Variants in LTBP1 observed in about 807,000 individuals in gnomAD.
The protein encoded by LTBP1 is latent transforming growth factor beta binding protein 1.
In LTBP1, 129 loss-of-function variants were observed where a neutral mutation model predicts 207.6. That is an observed-to-expected ratio of 0.62 (90% CI 0.54 to 0.72). The LOEUF is 0.72. Among genes scored for constraint, LTBP1 ranks in the 30% least tolerant of loss-of-function variants. The probability of loss-of-function intolerance (pLI) is 0.00; values close to 1 mark genes in which losing one functional copy is unlikely to be tolerated. For missense variants in LTBP1, 2,281 were observed against 2,217.2 expected (o/e 1.03, Z -0.58); for synonymous variants, 963 against 833.7 (o/e 1.16, Z -2.67).
chr2:33,169,980 G>C (rs930630136), intron 5 of LTBP1, among the ~76,000 whole-genome samples: 4 of 152,212 alleles, frequency 2.6e-5, no homozygotes, highest in African/African-American at 9.6e-5. Flanking sequence ...CTTGAAACTA[G>C]TAAATTGGTA....
chr2:33,270,222 T>A (rs2093286787), intron 15 of LTBP1, among the ~76,000 whole-genome samples: 1 of 151,716 alleles, frequency 6.6e-6, no homozygotes, highest in South Asian at 2.1e-4. Context: ...ACACAGCCTC[T>A]GATGTTCAAC....
At chr2:33,306,502 A>G (rs1389812793) in intron 22 of LTBP1, among the ~76,000 whole-genome samples, 1 of 151,656 alleles carries the variant, frequency 6.6e-6, no homozygotes. Context: ...CCTGGGTGGC[A>G]ATAGTTGCAG....
intron 24 of LTBP1, among the ~76,000 whole-genome samples, chr2:33,326,518 C>A (rs1357433698): frequency 6.6e-6 from 1 of 151,832 alleles, no homozygotes; most frequent in East Asian, 1.9e-4. Context: ...ACAATCTAAA[C>A]TGACTTCAGT....
chr2:32,994,469 CT>C lies in LTBP1; in HGVS notation c.566-26426del, dbSNP rs1045137913. ...GCACGCTTATCTAATATTAGTGAGT[CT>C]TTTTTTTTTTTTTGAGATAGAGTTT... On this transcript the variant is annotated intron_variant, in intron 2 of 33. Transcript: ENST00000404816. Among the ~76,000 whole-genome samples, 583 of 142,880 alleles carry C rather than the reference CT, an allele frequency of 4.1e-3. 1 individual carries two copies. The highest frequency in any genetic ancestry group is 3.4e-3 in the Admixed American group (48 of 14,160). 93.7% of individuals were successfully genotyped at this position (142,880 alleles called of 152,430 possible). A position where few individuals can be genotyped will look rare whatever the true frequency, so the allele number is the denominator to read the frequency against.
intron 17 of LTBP1, among the ~76,000 whole-genome samples, 196 bp downstream of exon 17, chr2:33,275,286 T>G (rs769555344): frequency 1.1e-4 from 16 of 152,086 alleles, no homozygotes; most frequent in Non-Finnish European, 1.3e-4. Context: ...AAGAGTGTCA[T>G]ATATGTGCAT....
intron 10 of LTBP1, among the ~76,000 whole-genome samples, chr2:33,250,377 T>A (rs1380512526): frequency 6.6e-6 from 1 of 152,114 alleles, no homozygotes; most frequent in East Asian, 1.9e-4. Context: ...GCTCACCCCC[T>A]CCACAAAGAA....
At chr2:33,072,041 C>CT (rs397714114) in intron 3 of LTBP1, among the ~76,000 whole-genome samples, 6 of 152,020 alleles carry the variant, frequency 3.9e-5, no homozygotes, top group Non-Finnish European at 5.9e-5. Context: ...AGACTGCCCC[C>CT]GTTTCAGATA....
At chr2:33,354,085 G>A (rs577157968) in intron 26 of LTBP1, among the ~76,000 whole-genome samples, 5 of 151,276 alleles carry the variant, frequency 3.3e-5, no homozygotes, top group South Asian at 4.2e-4. Context: ...GGATGGTCTC[G>A]ATCTCCTGAC....
At chr2:33,254,680 T>C (rs1276402950) in intron 11 of LTBP1, among the ~76,000 whole-genome samples, 5 of 145,020 alleles carry the variant, frequency 3.4e-5, no homozygotes. Context: ...ATGTGCCATA[T>C]TGGTGTGCTG....
chr2:33,213,267 T>C (rs2090445123), intron 7 of LTBP1, among the ~76,000 whole-genome samples: 1 of 152,198 alleles, frequency 6.6e-6, no homozygotes, highest in Non-Finnish European at 1.5e-5. Flanking sequence ...GTTGTAAATT[T>C]AGCACATTTC....
intron 24 of LTBP1, among the ~76,000 whole-genome samples, chr2:33,338,112 T>C (rs1457163289): frequency 6.6e-6 from 1 of 152,242 alleles, no homozygotes; most frequent in African/African-American, 2.4e-5. Context: ...ATGAAACTGC[T>C]GAGAATTACA....
Position 33,021,186 on chromosome 2 carries a change from C to G in LTBP1, c.843C>G (p.Leu281=), listed in dbSNP as rs554562639. The G allele has an allele frequency of 7.5e-6, 12 of 1,599,176 alleles. No homozygotes were observed. The South Asian group carries it at 1.0e-4, about 13-fold the overall frequency. ...LTLKPKPSVG[L]PQQIHSQVTP... The stretch of plus-strand genomic sequence containing the variant: ...TCAAGCCGAAGCCTTCAGTGGGACT[C>G]CCCCAGCAGATACATTCTCAGTGAG... The change falls in exon 3 of 34, where the codon CTC becomes CTG. Residue 281 remains leucine (L), a synonymous_variant. Coordinates refer to ENST00000404816, the MANE Select transcript of LTBP1 (RefSeq NM_206943.4).
chr2:33,338,517 A>G (rs554638004), intron 24 of LTBP1, among the ~76,000 whole-genome samples: 21 of 152,238 alleles, frequency 1.4e-4, no homozygotes, highest in African/African-American at 5.1e-4. Flanking sequence ...GATGAGGTTA[A>G]GTTAAAGGTT....
intron 13 of LTBP1, 96 bp downstream of exon 13, chr2:33,259,706 C>T (rs1490594675): frequency 8.7e-7 from 1 of 1,147,770 alleles, no homozygotes; most frequent in African/African-American, 1.6e-5. Flanking sequence ...AATATAGTAA[C>T]ATCTCTATTA....
intron 2 of LTBP1, among the ~76,000 whole-genome samples, chr2:33,017,839 A>G (rs919417856): frequency 6.6e-5 from 10 of 152,228 alleles, no homozygotes; most frequent in African/African-American, 2.2e-4. Flanking sequence ...GATGGTCTCA[A>G]TCTCCTGACC....
At chr2:33,384,736 T>A (rs2150471764) in intron 31 of LTBP1, among the ~76,000 whole-genome samples, 1 of 152,362 alleles carries the variant, frequency 6.6e-6, no homozygotes, top group South Asian at 2.1e-4. Flanking sequence ...AGGGATCTGC[T>A]ATTCTTGGGC....
In LTBP1 at chr2:33,148,677, A is replaced by G. The variant is rs184612878; in HGVS notation, c.1201+13717A>G. Among the ~76,000 whole-genome samples the G allele has an allele frequency of 3.1e-3, 470 of 152,288 alleles. 1 individual carries two copies. The highest frequency in any genetic ancestry group is 4.0e-3 in the Admixed American group (61 of 15,298). ...ACTTGCACCCATCAGGCATATCCTT[A>G]GCTGGGTGCTCACTTAGCTCACTCT... On this transcript the variant is annotated intron_variant, in intron 5 of 33. Transcript: ENST00000404816.
intron 20 of LTBP1, among the ~76,000 whole-genome samples, chr2:33,294,637 A>C (rs987452793): frequency 2.2e-5 from 3 of 134,272 alleles, no homozygotes; most frequent in Non-Finnish European, 4.6e-5. Context: ...AGAGTGCAGT[A>C]GTACGATCTT....
At chr2:33,285,981 T>C (rs1271944647) in intron 19 of LTBP1, 1 of 152,148 alleles carries the variant, frequency 6.6e-6, no homozygotes, top group Non-Finnish European at 1.5e-5. Flanking sequence ...TCCTAACAAA[T>C]GTTCAGGCAT....
Sources: allele counts gnomAD v4.1 joint callset (sites outside exome capture counted in the v4.1 genomes callset), GRCh38; gene constraint gnomAD v4.1.1; transcripts MANE v1.5; gene names NCBI Gene and HGNC (gene_info 2026-07-23, HGNC 2026-07-21).